Variants in TULP4 observed in about 807,000 individuals in gnomAD.
The protein encoded by TULP4 is TUB like protein 4, also known as tubby-related protein 4.
TULP4 carries 16 observed loss-of-function variants against 129.0 expected under a neutral mutation model. The ratio of observed to expected loss-of-function variants is 0.12; its 90% CI spans 0.08 to 0.19. The LOEUF (loss-of-function observed/expected upper bound fraction) is 0.19, where lower values mean the gene tolerates loss of function less well. TULP4 is among the 10% of genes least tolerant of loss of function. The pLI is 1.00. For missense variants in TULP4, 1,842 were observed against 2,059.1 expected (o/e 0.89, Z 2.04); for synonymous variants, 998 against 854.0 (o/e 1.17, Z -2.94).
At chr6:158,241,253 A>C (rs1306636348) in intron 1 of TULP4, among the ~76,000 whole-genome samples, 2 of 118,664 alleles carry the variant, frequency 1.7e-5, no homozygotes, top group East Asian at 5.8e-4. Context: ...GACGCTCCTC[A>C]CTTTCCAGAC....
At chr6:158,470,243 C>T (rs1481228879) in intron 6 of TULP4, among the ~76,000 whole-genome samples, 3 of 152,184 alleles carry the variant, frequency 2.0e-5, no homozygotes, top group Non-Finnish European at 2.9e-5. Context: ...GGGTCTGCGA[C>T]GGCGGCAAAC....
rs567873954 is a variant in TULP4 at position 158,447,318 on chromosome 6, T to G, written c.544-1678T>G. Among the ~76,000 whole-genome samples, 263 of 152,302 alleles carry G rather than the reference T, an allele frequency of 1.7e-3. 1 individual carries two copies. Among genetic ancestry groups the G allele is most frequent in the Non-Finnish European group, 3.1e-3 (210 of 68,008 alleles). ...TTTTGACAGCTAAAATTTCACCTTT[T>G]TCTAAAATGAATTTCATGGTGTTCC... is the stretch of plus-strand genomic sequence containing the variant. On this transcript the variant is annotated intron_variant, in intron 3 of 13. Transcript: ENST00000367097.
chr6:158,449,196 T>C lies in TULP4; in HGVS notation c.724+20T>C, dbSNP rs754656972. 2 of 1,599,538 alleles carry C rather than the reference T, an allele frequency of 1.3e-6. No homozygotes were observed. Among genetic ancestry groups the C allele is most frequent in the South Asian group, 1.1e-5 (1 of 88,598 alleles). On this transcript the variant is annotated intron_variant, in intron 4 of 13. Transcript: ENST00000367097. ...CCCAAGGTACTCATTGGCCCTACTT[T>C]CCTTGTCACTGACCAGAAGGACAAG...
chr6:158,426,555 C>CTCTGT (rs1256449660), intron 2 of TULP4, among the ~76,000 whole-genome samples: 1 of 152,104 alleles, frequency 6.6e-6, no homozygotes, highest in Non-Finnish European at 1.5e-5. Context: ...TTTCTGGGTT[C>CTCTGT]TCTGTTCTGT....
intron 6 of TULP4, among the ~76,000 whole-genome samples, chr6:158,464,152 G>A (rs1315216500): frequency 2.0e-5 from 3 of 152,200 alleles, no homozygotes; most frequent in African/African-American, 7.2e-5. Context: ...CCATGGCCTA[G>A]GACACAGTCT....
chr6:158,410,248 C>T (rs341165), intron 1 of TULP4, among the ~76,000 whole-genome samples: 37,059 of 152,192 alleles, frequency 0.24, 5,724 homozygotes, highest in Non-Finnish European at 0.35. Context: ...AAAAAATCTT[C>T]AATTTCACAT....
chr6:158,311,587 C>T (rs1390158870), upstream of TULP4, among the ~76,000 whole-genome samples: 1 of 152,176 alleles, frequency 6.6e-6, no homozygotes, highest in Non-Finnish European at 1.5e-5. Context: ...TTTAAAGGCC[C>T]TTACTGCTTT....
chr6:158,355,231 C>T (rs1780618615), intron 1 of TULP4, among the ~76,000 whole-genome samples: 2 of 152,054 alleles, frequency 1.3e-5, no homozygotes, highest in South Asian at 4.2e-4. Context: ...GTCCCAGCTA[C>T]TGTCCCATGC....
chr6:158,322,027 C>G (rs1019752474), intron 1 of TULP4, among the ~76,000 whole-genome samples: 1 of 152,200 alleles, frequency 6.6e-6, no homozygotes, highest in Non-Finnish European at 1.5e-5. Flanking sequence ...ACTGGCAAGC[C>G]AGGTTCTGTG....
chr6:158,359,199 C>T (rs1158078545), intron 1 of TULP4, among the ~76,000 whole-genome samples: 1 of 152,102 alleles, frequency 6.6e-6, no homozygotes, highest in Non-Finnish European at 1.5e-5. Flanking sequence ...ACTTCGTTTA[C>T]AGTGGTCTCT....
chr6:158,318,096 C>T (rs1390406957), intron 1 of TULP4, among the ~76,000 whole-genome samples: 1 of 152,140 alleles, frequency 6.6e-6, no homozygotes, highest in Non-Finnish European at 1.5e-5. Flanking sequence ...AATTTTCTCC[C>T]ATTTTATAGG....
intron 1 of TULP4, among the ~76,000 whole-genome samples, chr6:158,379,197 A>T (rs373253364): frequency 1.3e-5 from 2 of 152,296 alleles, no homozygotes; most frequent in East Asian, 3.9e-4. Context: ...AGGTGTGAGA[A>T]GACTCAAACT....
chr6:158,455,059 T>TAATTATTACCTAACTAGATATC, intron 5 of TULP4, among the ~76,000 whole-genome samples: 1 of 24,402 alleles, frequency 4.1e-5, no homozygotes. Flanking sequence ...TTTAACATTT[T>TAATTATTACCTAACTAGATATC]TTTTTTTTTT....
chr6:158,312,339 T>A (rs1292223412), upstream of TULP4: 4 of 389,084 alleles, frequency 1.0e-5, no homozygotes, highest in Non-Finnish European at 1.8e-5. Context: ...TTCCATATGG[T>A]CTGCACGGGT....
At chr6:158,327,644 T>A (rs1779773722) in intron 1 of TULP4, among the ~76,000 whole-genome samples, 1 of 150,912 alleles carries the variant, frequency 6.6e-6, no homozygotes, top group Non-Finnish European at 1.5e-5. Context: ...CTCATACTTC[T>A]GTGAGGATAC....
chr6:158,234,354 A>G (rs1451040817), intron 1 of TULP4, among the ~76,000 whole-genome samples: 1 of 152,196 alleles, frequency 6.6e-6, no homozygotes, highest in African/African-American at 2.4e-5. Context: ...GTCAAGAGAC[A>G]GCAGCCTTCC....
chr6:158,246,876 A>T (rs1778041148), intron 1 of TULP4, among the ~76,000 whole-genome samples: 1 of 152,248 alleles, frequency 6.6e-6, no homozygotes, highest in South Asian at 2.1e-4. Context: ...GAAAGCTCCA[A>T]CAGTAATGGT....
At chr6:158,499,276 A>G (rs181583362) in intron 12 of TULP4, among the ~76,000 whole-genome samples, 5 of 152,260 alleles carry the variant, frequency 3.3e-5, no homozygotes, top group Admixed American at 6.5e-5. Context: ...AGTTTCTCAA[A>G]TCTGCCGTGT....
chr6:158,238,135 C>T, intron 1 of TULP4: 1 of 747,474 alleles, frequency 1.3e-6, no homozygotes, highest in Non-Finnish European at 2.5e-6. Flanking sequence ...TGCTTTAACT[C>T]CTCTCTGCTT....
Sources: allele counts gnomAD v4.1 joint callset (sites outside exome capture counted in the v4.1 genomes callset), GRCh38; gene constraint gnomAD v4.1.1; transcripts MANE v1.5; gene names NCBI Gene and HGNC (gene_info 2026-07-23, HGNC 2026-07-21).